The following RPGRIP1L variants were observed in gnomAD, a reference collection of about 807,000 sequenced individuals.
The protein encoded by RPGRIP1L is RPGRIP1 like.
In RPGRIP1L, 131 loss-of-function variants were observed where a neutral mutation model predicts 160.4. The observed-to-expected ratio is 0.82, with a 90% CI of 0.71 to 0.94. The LOEUF is 0.94. Among genes scored for constraint, RPGRIP1L ranks in the 40% least tolerant of loss-of-function variants. The pLI is 0.00. For missense variants in RPGRIP1L, 1,522 were observed against 1,535.8 expected, an observed-to-expected ratio of 0.99 and a Z score of 0.15; for synonymous variants, 510 against 515.8, an observed-to-expected ratio of 0.99 and a Z score of 0.15.
At chr16:53,675,567 ACT>A (rs1457223068) in intron 6 of RPGRIP1L, among the ~76,000 whole-genome samples, 1 of 152,058 alleles carries the variant, frequency 6.6e-6, no homozygotes, top group African/African-American at 2.4e-5. Flanking sequence ...TCTTTCTACA[ACT>A]CTCTCGACGC....
At chr16:53,701,639 T>G (rs1971401868) in intron 1 of RPGRIP1L, 1 of 151,792 alleles carries the variant, frequency 6.6e-6, no homozygotes, top group Non-Finnish European at 1.5e-5. Context: ...GGATATTGGT[T>G]CTAGAATGTA....
intron 2 of RPGRIP1L, among the ~76,000 whole-genome samples, chr16:53,697,329 C>CCACGG (rs1555617050): frequency 6.6e-6 from 1 of 151,418 alleles, no homozygotes; most frequent in Non-Finnish European, 1.5e-5. Flanking sequence ...CTCCCTCTCC[C>CCACGG]TCTCCCTCTC....
chr16:53,635,120 T>A (rs1423617718), intron 22 of RPGRIP1L, among the ~76,000 whole-genome samples: 2 of 152,180 alleles, frequency 1.3e-5, no homozygotes, highest in South Asian at 4.1e-4. Context: ...AATATATATG[T>A]ACATTAGAAT....
chr16:53,600,967 C>A lies in RPGRIP1L; in HGVS notation c.*1109G>T, dbSNP rs1159171974. ...CCTGTTTGCAAACAGTGAAAACCCACAGCCTATAAAAATCCTTTGAAGAAA... is the reference window on the plus strand; with the variant it reads ...CCTGTTTGCAAACAGTGAAAACCCAAAGCCTATAAAAATCCTTTGAAGAAA... On this transcript the variant is annotated 3_prime_UTR_variant, in exon 27 of 27. Coordinates refer to ENST00000647211, the MANE Select transcript of RPGRIP1L (RefSeq NM_015272.5). 2 of 152,588 alleles carry A rather than the reference C, an allele frequency of 1.3e-5. No homozygotes were observed. Among genetic ancestry groups the A allele is most frequent in the Non-Finnish European group, 2.9e-5 (2 of 68,026 alleles). The allele number at this position is 152,588 out of a possible 1,614,324, so 9.5% of individuals were successfully genotyped here.
rs1037289682 is a variant in RPGRIP1L, at chr16:53,626,728, A to G, written c.3295-4372T>C. Among the ~76,000 whole-genome samples, 10 of 150,334 alleles carry G rather than the reference A, an allele frequency of 6.7e-5. No homozygotes were observed. In the East Asian group the frequency reaches 1.8e-3, roughly 27 times the overall value. ...GCTGAGGCAGGAGAATCGCTTGAAC[A>G]TGGGAGGCAGAGGTTTCAGTGAGGT... On this transcript the variant is annotated intron_variant, in intron 22 of 26. Transcript: ENST00000647211.
chr16:53,627,396 G>A lies in RPGRIP1L; in HGVS notation c.3295-5040C>T, dbSNP rs193226159. Among the ~76,000 whole-genome samples the A allele has an allele frequency of 4.0e-3, 608 of 152,206 alleles. 3 individuals carry two copies. Among genetic ancestry groups the A allele is most frequent in the Admixed American group, 6.1e-3 (94 of 15,294 alleles). On this transcript the variant is annotated intron_variant, in intron 22 of 26. Transcript: ENST00000647211. ...TATAAAACATTTCAAACATGATAAAGTACAGAAAATAATTTGGCATATTCA... is the reference window on the plus strand; with the variant it reads ...TATAAAACATTTCAAACATGATAAAATACAGAAAATAATTTGGCATATTCA...
chr16:53,639,627 T>C (rs933045009), intron 19 of RPGRIP1L, among the ~76,000 whole-genome samples: 1 of 152,132 alleles, frequency 6.6e-6, no homozygotes, highest in African/African-American at 2.4e-5. Flanking sequence ...ATCAGGCTAC[T>C]GTGTTCAAAT....
chr16:53,650,376 A>G (rs896087735), intron 15 of RPGRIP1L, among the ~76,000 whole-genome samples: 1 of 152,210 alleles, frequency 6.6e-6, no homozygotes, highest in Non-Finnish European at 1.5e-5. Context: ...TCATTTAAAA[A>G]TAAGTCCTAA....
chr16:53,698,216 G>A (rs766790450), intron 2 of RPGRIP1L, among the ~76,000 whole-genome samples: 2,776 of 149,572 alleles, frequency 0.019, 8 homozygotes, highest in South Asian at 0.053. Context: ...CAGCCACCCC[G>A]TCTGGGAAGT....
chr16:53,656,178 G>T (rs936099957), intron 14 of RPGRIP1L, among the ~76,000 whole-genome samples: 2 of 152,168 alleles, frequency 1.3e-5, no homozygotes, highest in Admixed American at 6.5e-5. Context: ...AAAGAATCAA[G>T]GCTTGGTGCA....
intron 1 of RPGRIP1L, among the ~76,000 whole-genome samples, chr16:53,701,471 A>G (rs7404301): frequency 0.38 from 57,167 of 149,816 alleles, 12,585 homozygotes; most frequent in African/African-American, 0.59. Context: ...TTACAGAAAT[A>G]CACCATAGTA....
intron 2 of RPGRIP1L, among the ~76,000 whole-genome samples, chr16:53,698,386 C>T (rs186842218): frequency 0.034 from 4,741 of 141,464 alleles, 130 homozygotes; most frequent in Non-Finnish European, 0.05. Flanking sequence ...GCCCCCCGCC[C>T]GGCCAGCCGT....
In RPGRIP1L at chr16:53,641,490, T is replaced by C. The variant is rs1208734472; in HGVS notation, c.2684-15A>G. On this transcript the variant is annotated splice_polypyrimidine_tract_variant and intron_variant, in intron 17 of 26. Transcript: ENST00000647211. Reference sequence around the variant, plus strand: ...CTCAAATATTCCTGTCAAATTACAATAATTTTAATTAATGCTAGAGTGAAG... The same window carrying C: ...CTCAAATATTCCTGTCAAATTACAACAATTTTAATTAATGCTAGAGTGAAG... 6 of 1,597,496 alleles carry C rather than the reference T, an allele frequency of 3.8e-6. No individual in the cohort carries two copies. Among genetic ancestry groups the C allele is most frequent in the Non-Finnish European group, 5.1e-6 (6 of 1,165,256 alleles).
intron 22 of RPGRIP1L, among the ~76,000 whole-genome samples, chr16:53,635,276 T>G (rs1965770950): frequency 1.3e-5 from 2 of 152,176 alleles, no homozygotes; most frequent in African/African-American, 4.8e-5. Flanking sequence ...ATTGCAGGTC[T>G]AAGTAGGAGT....
rs1168346867 is a variant in RPGRIP1L at position 53,700,678 on chromosome 16, C to T, written c.46G>A (p.Asp16Asn). 3 of 1,613,650 alleles carry T rather than the reference C, an allele frequency of 1.9e-6. No individual in the cohort carries two copies. Among genetic ancestry groups the T allele is most frequent in the South Asian group, 2.2e-5 (2 of 90,922 alleles). ...DETAGDLPVK[D>N]TGLNLFGMGG... is the part of the protein sequence containing the mutation. ...ATTCCAAAGAGGTTTAGACCTGTATCTTTCACAGGCAAGTCTCCTGCAGTC... is the reference window on the plus strand; with the variant it reads ...ATTCCAAAGAGGTTTAGACCTGTATTTTTCACAGGCAAGTCTCCTGCAGTC... Residue 16 changes from aspartate to asparagine, a missense_variant, in exon 2 of 27, where the codon GAT becomes AAT. Coordinates refer to ENST00000647211, the MANE Select transcript of RPGRIP1L (RefSeq NM_015272.5).
At chr16:53,699,296 G>C (rs1244451192) in intron 2 of RPGRIP1L, among the ~76,000 whole-genome samples, 1 of 140,114 alleles carries the variant, frequency 7.1e-6, no homozygotes, top group Non-Finnish European at 1.5e-5. Flanking sequence ...AGAGACCTTT[G>C]TTCACTTGTT....
At chr16:53,630,765 T>C (rs912445293) in intron 22 of RPGRIP1L, among the ~76,000 whole-genome samples, 31 of 152,158 alleles carry the variant, frequency 2.0e-4, no homozygotes, top group African/African-American at 6.8e-4. Flanking sequence ...GACAGAGTCT[T>C]GCTCTGTTGC....
chr16:53,656,421 T>C (rs772939167), intron 14 of RPGRIP1L, 51 bp downstream of exon 14: 29 of 1,145,846 alleles, frequency 2.5e-5, no homozygotes, highest in South Asian at 3.7e-5. Context: ...TCAACTGTTA[T>C]AAAATCCATT....
intron 21 of RPGRIP1L, 108 bp downstream of exon 21, chr16:53,637,587 G>A (rs910023326): frequency 1.0e-5 from 10 of 969,294 alleles, no homozygotes; most frequent in Admixed American, 7.3e-5. Context: ...AACAGGTATC[G>A]TGAAGTAGAC....
Sources: allele counts gnomAD v4.1 joint callset (sites outside exome capture counted in the v4.1 genomes callset), GRCh38; gene constraint gnomAD v4.1.1; transcripts MANE v1.5; gene names NCBI Gene and HGNC (gene_info 2026-07-23, HGNC 2026-07-21).